The following CACNA1C variants were observed in gnomAD, a reference collection of about 807,000 sequenced individuals.
CACNA1C encodes the protein voltage-dependent L-type calcium channel subunit alpha-1C.
A neutral mutation model predicts 229.0 loss-of-function variants in CACNA1C; 30 were observed. The ratio of observed to expected loss-of-function variants is 0.13; its 90% CI spans 0.10 to 0.18. The LOEUF (loss-of-function observed/expected upper bound fraction) is 0.18. CACNA1C is among the 10% of genes least tolerant of loss of function. CACNA1C has a pLI of 1.00. For missense variants in CACNA1C, 1,658 were observed against 2,845.0 expected (o/e 0.58, Z 9.49); for synonymous variants, 1,114 against 1,132.5 (o/e 0.98, Z 0.33).
chr12:1,990,945 ACT>A (rs1433935725), intron 1 of CACNA1C, among the ~76,000 whole-genome samples: 1 of 150,744 alleles, frequency 6.6e-6, no homozygotes, highest in African/African-American at 2.4e-5. Flanking sequence ...AAACCAAATG[ACT>A]CTGGGTGCAA....
chr12:2,624,025 A>G (rs1204495002), intron 29 of CACNA1C, among the ~76,000 whole-genome samples: 1 of 152,238 alleles, frequency 6.6e-6, no homozygotes, highest in East Asian at 1.9e-4. Context: ...AGTTCAGTGC[A>G]GAACTCAGGG....
chr12:2,384,790 G>A (rs1252465783), intron 3 of CACNA1C, among the ~76,000 whole-genome samples: 1 of 152,206 alleles, frequency 6.6e-6, no homozygotes, highest in Non-Finnish European at 1.5e-5. Context: ...GCAAGGCATT[G>A]CAAGAGGCCT....
chr12:2,667,320 C>CTCCCTCCTCTCCACCATGGCCACTCCA (rs2096246693), intron 37 of CACNA1C, among the ~76,000 whole-genome samples: 3 of 152,060 alleles, frequency 2.0e-5, no homozygotes, highest in Admixed American at 6.6e-5. Flanking sequence ...CGTGGCCATT[C>CTCCCTCCTCTCCACCATGGCCACTCCA]CGTGCTCCTT....
intron 1 of CACNA1C, among the ~76,000 whole-genome samples, chr12:2,059,931 G>T (rs553431992): frequency 1.3e-5 from 2 of 152,088 alleles, no homozygotes; most frequent in African/African-American, 2.4e-5. Flanking sequence ...TCCTCCCCCT[G>T]CCTCCACCTT....
In CACNA1C at chr12:2,504,931, C is replaced by T. The variant is rs2099768275; in HGVS notation, c.1203C>T (p.Leu401=). 9 of 1,576,098 alleles carry T rather than the reference C, an allele frequency of 5.7e-6. No individual in the cohort carries two copies. The highest frequency in any genetic ancestry group is 1.7e-5 in the Admixed American group (1 of 59,910). ...IGSFFVLNLV[L]GVLSGEFSKE... is the part of the protein sequence containing the mutation. ...CATTTTTTGTACTTAACTTGGTTCT[C>T]GGTGTGCTTAGCGGGTAAGCAGGAC... Residue 401 remains leucine, a synonymous_variant, in exon 8 of 47, where the codon CTC becomes CTT. Coordinates refer to ENST00000399655, the MANE Select transcript of CACNA1C (RefSeq NM_000719.7). The surrounding 1 kb of genome is among the most constrained non-coding windows in gnomAD (Gnocchi z 6.8).
intron 3 of CACNA1C, among the ~76,000 whole-genome samples, chr12:2,243,906 A>G (rs891427602): frequency 2.0e-5 from 3 of 152,232 alleles, no homozygotes; most frequent in Admixed American, 6.5e-5. Context: ...TTAAGATAAT[A>G]AAGACAACTG....
At chr12:2,071,288 G>A (rs1402392746) in intron 1 of CACNA1C, among the ~76,000 whole-genome samples, 2 of 150,670 alleles carry the variant, frequency 1.3e-5, no homozygotes, top group African/African-American at 4.9e-5. Flanking sequence ...TGAGTACTTG[G>A]CTCACTGCAG....
chr12:2,089,808 G>C (rs1412789594), intron 1 of CACNA1C, among the ~76,000 whole-genome samples: 1 of 151,858 alleles, frequency 6.6e-6, no homozygotes, highest in South Asian at 2.1e-4. Flanking sequence ...GCTGAGGTGG[G>C]CGGATCACAA....
intron 3 of CACNA1C, among the ~76,000 whole-genome samples, chr12:2,184,939 C>G (rs749337034): frequency 6.6e-6 from 1 of 152,156 alleles, no homozygotes; most frequent in Non-Finnish European, 1.5e-5. Context: ...TAGTATTGAA[C>G]TGGGGTTAAA....
intron 3 of CACNA1C, among the ~76,000 whole-genome samples, chr12:2,339,020 TAC>T (rs1462839537): frequency 6.6e-6 from 1 of 152,262 alleles, no homozygotes; most frequent in African/African-American, 2.4e-5. Flanking sequence ...AAATTATAAT[TAC>T]ACAAGTACAG....
At chr12:2,004,303 G>A (rs1452644944) in intron 1 of CACNA1C, 1 of 1,613,262 alleles carries the variant, frequency 6.2e-7, no homozygotes, top group Non-Finnish European at 8.5e-7. Flanking sequence ...CCCGATGGCC[G>A]AAGGTGTACA....
At chr12:2,264,791 C>T (rs1486476937) in intron 3 of CACNA1C, among the ~76,000 whole-genome samples, 1 of 152,194 alleles carries the variant, frequency 6.6e-6, no homozygotes, top group Non-Finnish European at 1.5e-5. Flanking sequence ...ATTGATGGCC[C>T]CCCTTTGGCT....
chr12:2,349,798 G>T (rs1215935981), intron 3 of CACNA1C, among the ~76,000 whole-genome samples: 1 of 152,152 alleles, frequency 6.6e-6, no homozygotes, highest in East Asian at 1.9e-4. Context: ...CTTGCACAGT[G>T]TCTGGCACAC....
chr12:2,621,459 G>C (rs1602402304), intron 29 of CACNA1C, among the ~76,000 whole-genome samples: 3 of 152,236 alleles, frequency 2.0e-5, no homozygotes, highest in Non-Finnish European at 2.9e-5. Context: ...GAGCGCACAG[G>C]CCCTTCAGGA....
chr12:2,347,896 A>G (rs1001903688), intron 3 of CACNA1C, among the ~76,000 whole-genome samples: 2 of 152,230 alleles, frequency 1.3e-5, no homozygotes, highest in Non-Finnish European at 2.9e-5. Context: ...GGGGCTGTGC[A>G]CTTGGTAGGC....
chr12:2,651,598 C>G lies in CACNA1C; in HGVS notation c.3946-42C>G. 6.2e-7 allele frequency: 1 copy of G among 1,613,916 alleles called. No homozygotes were observed. Among genetic ancestry groups the G allele is most frequent in the Non-Finnish European group, 8.5e-7 (1 of 1,179,858 alleles). ...GGGGCCCTCCTGTTCTCACCCCCCTCTTGCTGTGCTAACTGCACCTCCTGT... is the reference window on the plus strand; with the variant it reads ...GGGGCCCTCCTGTTCTCACCCCCCTGTTGCTGTGCTAACTGCACCTCCTGT... On this transcript the variant is annotated intron_variant, in intron 31 of 46. Coordinates refer to ENST00000399655, the MANE Select transcript of CACNA1C (RefSeq NM_000719.7). This position sits in a 1 kb window ranked among gnomAD's most constrained non-coding sequence, Gnocchi z 5.4.
At chr12:2,278,330 T>C (rs2089731309) in intron 3 of CACNA1C, among the ~76,000 whole-genome samples, 1 of 152,234 alleles carries the variant, frequency 6.6e-6, no homozygotes, top group Non-Finnish European at 1.5e-5. Context: ...AGTTTCAACA[T>C]TGACCATCAG....
At chr12:1,986,238 A>G (rs1273203012) in intron 1 of CACNA1C, among the ~76,000 whole-genome samples, 2 of 152,166 alleles carry the variant, frequency 1.3e-5, no homozygotes, top group Non-Finnish European at 2.9e-5. Context: ...TGTTACATGT[A>G]TGTAGCTCAC....
chr12:2,099,325 A>G (rs1374761606), intron 1 of CACNA1C, among the ~76,000 whole-genome samples: 3 of 152,236 alleles, frequency 2.0e-5, no homozygotes, highest in African/African-American at 7.2e-5. Context: ...TTGGAAACCC[A>G]GGAGTGCAAG....
Sources: gnomAD v4.1 joint callset for allele counts (sites outside exome capture counted in the v4.1 genomes callset) on GRCh38, gnomAD v4.1.1 for gene constraint, Gnocchi (gnomAD v3.1) non-coding constraint, MANE v1.5 for transcripts, NCBI Gene and HGNC (gene_info 2026-07-23, HGNC 2026-07-21) for gene names.